Variants in DLC1 observed in about 807,000 individuals in gnomAD.
DLC1 encodes the protein rho GTPase-activating protein 7.
DLC1 carries 54 observed loss-of-function variants against 140.3 expected under a neutral mutation model. That is an observed-to-expected ratio of 0.38 (90% CI 0.31 to 0.48). The LOEUF (loss-of-function observed/expected upper bound fraction) is 0.48. DLC1 is among the 20% of genes least tolerant of loss of function. The probability of loss-of-function intolerance (pLI) is 0.96; values close to 1 mark genes in which losing one functional copy is unlikely to be tolerated. For missense variants in DLC1, 2,536 were observed against 1,907.0 expected (o/e 1.33, Z -6.14); for synonymous variants, 986 against 728.1 (o/e 1.35, Z -5.70).
intron 5 of DLC1, among the ~76,000 whole-genome samples, chr8:13,138,657 A>G (rs1026518579): frequency 6.6e-6 from 1 of 152,266 alleles, no homozygotes; most frequent in Non-Finnish European, 1.5e-5. Flanking sequence ...GTATTCAATT[A>G]AGGAAAGTAA....
intron 5 of DLC1, among the ~76,000 whole-genome samples, chr8:13,136,530 G>C (rs565900779): frequency 2.0e-5 from 3 of 152,288 alleles, no homozygotes; most frequent in South Asian, 4.1e-4. Flanking sequence ...TTGTTTTTGA[G>C]ATCATCTCGC....
chr8:13,597,607 G>A (rs540118446), intron 1 of DLC1, among the ~76,000 whole-genome samples: 14 of 152,012 alleles, frequency 9.2e-5, no homozygotes, highest in Non-Finnish European at 1.8e-4. Flanking sequence ...TGTAATGTGT[G>A]TGTATATATC....
intron 1 of DLC1, among the ~76,000 whole-genome samples, chr8:13,540,111 G>C (rs970332378): frequency 6.6e-6 from 1 of 152,170 alleles, no homozygotes; most frequent in Non-Finnish European, 1.5e-5. Flanking sequence ...TTCTGAGAAT[G>C]TGCTGATACT....
At position 13,203,759 on chromosome 8, in the gene DLC1, A is replaced by G. The variant is rs73663642; in HGVS notation, c.1349-88102T>C. 4.9e-3 allele frequency among the ~76,000 whole-genome samples: 748 copies of G among 152,300 alleles called. 8 individuals carry two copies. Among genetic ancestry groups the G allele is most frequent in the African/African-American group, 0.017 (711 of 41,536 alleles). On this transcript the variant is annotated intron_variant, in intron 5 of 17. Coordinates refer to ENST00000276297, the MANE Select transcript of DLC1 (RefSeq NM_182643.3). Reference sequence around the variant, plus strand: ...AAATTCTCTTTAAAATAGCTTTGTGATATGATTCTTGTCTTTTACTTGCAA... The same window carrying G: ...AAATTCTCTTTAAAATAGCTTTGTGGTATGATTCTTGTCTTTTACTTGCAA...
In DLC1 at chr8:13,468,811, C is replaced by CTTTTTTTTTTTTTTTTTTTTTTTTTTT. The variant is rs78775803; in HGVS notation, c.1023+30211_1023+30237dup. 3.3e-5 allele frequency among the ~76,000 whole-genome samples: 3 copies of CTTTTTTTTTTTTTTTTTTTTTTTTTTT among 89,960 alleles called. 1 individual carries two copies. The highest frequency in any genetic ancestry group is 1.5e-4 in the Admixed American group (1 of 6,764). 59.0% of individuals were successfully genotyped at this position (89,960 alleles called of 152,430 possible). ...GTTGATTCTCCCAATTTTATGTCTG[C>CTTTTTTTTTTTTTTTTTTTTTTTTTTT]TTTTTTTTTTTTTTTTTTTTTTTTT... On this transcript the variant is annotated intron_variant, in intron 2 of 17. Coordinates refer to ENST00000276297, the MANE Select transcript of DLC1 (RefSeq NM_182643.3).
chr8:13,403,647 C>G (rs909748244), intron 2 of DLC1, among the ~76,000 whole-genome samples: 1 of 151,380 alleles, frequency 6.6e-6, no homozygotes, highest in Admixed American at 6.6e-5. Flanking sequence ...TCCTTTTTTC[C>G]CTTTTTGCAA....
At chr8:13,127,631 C>T (rs985177750) in intron 5 of DLC1, among the ~76,000 whole-genome samples, 4 of 152,218 alleles carry the variant, frequency 2.6e-5, no homozygotes, top group African/African-American at 7.2e-5. Context: ...TGTGGGGCAG[C>T]ACCGTGCATG....
At chr8:13,395,853 T>C (rs2117226605) in intron 3 of DLC1, among the ~76,000 whole-genome samples, 1 of 112,256 alleles carries the variant, frequency 8.9e-6, no homozygotes, top group East Asian at 2.1e-4. Flanking sequence ...CTTCTTCTTC[T>C]TTGTTTTTTT....
At position 13,100,361 on chromosome 8, in the gene DLC1, G is replaced by C. The variant is rs776919335; in HGVS notation, c.1976C>G (p.Thr659Ser). The C allele has an allele frequency of 1.9e-6, 3 of 1,614,228 alleles. No individual in the cohort carries two copies. Among genetic ancestry groups the C allele is most frequent in the Non-Finnish European group, 2.5e-6 (3 of 1,180,048 alleles). ...FSFSMKGHEKTAKSKTRSLLK... is the reference protein window; with the variant it reads ...FSFSMKGHEKSAKSKTRSLLK... The stretch of plus-strand genomic sequence containing the variant: ...CAGACTGCGCGTCTTGGACTTGGCA[G>C]TTTTTTCGTGGCCTTTCATGCTGAA... The change falls in exon 9 of 18, where the codon ACT becomes AGT. Residue 659 changes from threonine to serine, a missense_variant. By Grantham distance (58) the Thr-to-Ser change is moderately conservative (BLOSUM62 1). Coordinates refer to ENST00000276297, the MANE Select transcript of DLC1 (RefSeq NM_182643.3).
chr8:13,164,743 C>G (rs1300967420), intron 5 of DLC1, among the ~76,000 whole-genome samples: 2 of 152,160 alleles, frequency 1.3e-5, no homozygotes, highest in South Asian at 4.1e-4. Flanking sequence ...TCTGAGACTT[C>G]TCCTTCAGAG....
intron 4 of DLC1, among the ~76,000 whole-genome samples, chr8:13,306,958 C>T (rs1265274535): frequency 6.6e-6 from 1 of 151,436 alleles, no homozygotes; most frequent in Non-Finnish European, 1.5e-5. Flanking sequence ...GTGGCAGGTG[C>T]CCGTAATCCC....
At position 13,267,167 on chromosome 8, in the gene DLC1, G is replaced by T. The variant is rs560604781; in HGVS notation, c.1348+38102C>A. Among the ~76,000 whole-genome samples the T allele has an allele frequency of 1.3e-3, 194 of 152,316 alleles. 2 individuals carry two copies. Among genetic ancestry groups the T allele is most frequent in the African/African-American group, 4.4e-3 (183 of 41,556 alleles). ...ACTTGTTTTCGTCAGTGAAACATTA[G>T]TGTCCAAAGACGGTCTTATCAGAGC... On this transcript the variant is annotated intron_variant, in intron 5 of 17. Coordinates refer to ENST00000276297, the MANE Select transcript of DLC1 (RefSeq NM_182643.3).
At chr8:13,493,236 T>C (rs769130582) in intron 2 of DLC1, among the ~76,000 whole-genome samples, 5 of 152,216 alleles carry the variant, frequency 3.3e-5, no homozygotes, top group Non-Finnish European at 7.3e-5. Context: ...CAGAGCTATA[T>C]ATACCTACCC....
chr8:13,479,271 A>G (rs1800573697), intron 2 of DLC1, among the ~76,000 whole-genome samples: 1 of 152,240 alleles, frequency 6.6e-6, no homozygotes, highest in South Asian at 2.1e-4. Context: ...AAATGTTTCA[A>G]AGGACAGTGA....
intron 5 of DLC1, among the ~76,000 whole-genome samples, chr8:13,212,854 G>A (rs759105627): frequency 7.2e-5 from 11 of 152,170 alleles, no homozygotes; most frequent in African/African-American, 2.4e-4. Context: ...AATGTTTTCC[G>A]TTTGACTAAA....
intron 5 of DLC1, among the ~76,000 whole-genome samples, chr8:13,134,576 A>T (rs1413608734): frequency 6.6e-6 from 1 of 152,208 alleles, no homozygotes; most frequent in African/African-American, 2.4e-5. Flanking sequence ...TAGTCTCTTA[A>T]TTATAGTTTA....
rs907137875 is a variant in DLC1, at chr8:13,382,751, C to T, written c.1314+10802G>A. On this transcript the variant is annotated intron_variant, in intron 4 of 17. Transcript: ENST00000276297. ...CTCAGAAATACCTGAGATGATACTT[C>T]AGAGAACTATTCAGGCAGTTCTAAG... Among the ~76,000 whole-genome samples the T allele has an allele frequency of 2.2e-4, 33 of 152,206 alleles. 2 individuals carry two copies. In the South Asian group the frequency reaches 6.6e-3, roughly 31 times the overall value.
At chr8:13,096,147 T>C (rs1051266647) in intron 10 of DLC1, 1 of 152,222 alleles carries the variant, frequency 6.6e-6, no homozygotes, top group Non-Finnish European at 1.5e-5. Flanking sequence ...AAGAACCTTG[T>C]GTAGGATTCC....
At chr8:13,175,197 C>G (rs1825691650) in intron 5 of DLC1, among the ~76,000 whole-genome samples, 1 of 151,726 alleles carries the variant, frequency 6.6e-6, no homozygotes, top group South Asian at 2.1e-4. Context: ...TCTGGGTTCT[C>G]TATTATGTTC....
Sources: allele counts gnomAD v4.1 joint callset (sites outside exome capture counted in the v4.1 genomes callset), GRCh38; gene constraint gnomAD v4.1.1; transcripts MANE v1.5; gene names NCBI Gene and HGNC (gene_info 2026-07-23, HGNC 2026-07-21).